KIAA1328: variants seen among roughly 807,000 people sequenced by gnomAD.
KIAA1328 encodes KIAA1328, also known as protein hinderin.
A neutral mutation model predicts 68.1 loss-of-function variants in KIAA1328; 52 were observed. The ratio of observed to expected loss-of-function variants is 0.76; its 90% CI spans 0.61 to 0.96. The LOEUF (loss-of-function observed/expected upper bound fraction) is 0.96, where lower values mean the gene tolerates loss of function less well. Among genes scored for constraint, KIAA1328 ranks in the 40% least tolerant of loss-of-function variants. KIAA1328 has a pLI of 0.00. For missense variants in KIAA1328, 641 were observed against 677.6 expected (o/e 0.95, Z 0.60); for synonymous variants, 232 against 239.4 (o/e 0.97, Z 0.28).
chr18:37,121,944 T>C (rs1423093288), intron 7 of KIAA1328, among the ~76,000 whole-genome samples: 2 of 152,078 alleles, frequency 1.3e-5, no homozygotes, highest in Non-Finnish European at 2.9e-5. Flanking sequence ...GAGAGATTAT[T>C]ACAGAAAACT....
At chr18:36,935,924 A>G (rs2050482607) in intron 5 of KIAA1328, among the ~76,000 whole-genome samples, 2 of 152,188 alleles carry the variant, frequency 1.3e-5, no homozygotes, top group African/African-American at 2.4e-5. Context: ...AATTAGTCCT[A>G]TCACGACAAC....
chr18:36,967,186 G>C (rs1234327144), intron 6 of KIAA1328, among the ~76,000 whole-genome samples: 1 of 152,148 alleles, frequency 6.6e-6, no homozygotes, highest in Non-Finnish European at 1.5e-5. Flanking sequence ...CTTTAGCTGA[G>C]AGTAAAAGAT....
chr18:36,952,725 C>T (rs970974346), intron 5 of KIAA1328, among the ~76,000 whole-genome samples: 3 of 152,090 alleles, frequency 2.0e-5, no homozygotes, highest in African/African-American at 2.4e-5. Flanking sequence ...GAAAGCTTGG[C>T]GGGTCTTTTT....
At chr18:37,098,099 T>C (rs1401276532) in intron 7 of KIAA1328, among the ~76,000 whole-genome samples, 1 of 151,636 alleles carries the variant, frequency 6.6e-6, no homozygotes, top group Non-Finnish European at 1.5e-5. Context: ...GGCCAGAACT[T>C]CCAATACTAT....
intron 9 of KIAA1328, among the ~76,000 whole-genome samples, chr18:37,195,199 C>T (rs2059980629): frequency 6.6e-6 from 1 of 152,120 alleles, no homozygotes; most frequent in African/African-American, 2.4e-5. Flanking sequence ...AGAACTTATT[C>T]CTCTATCTAA....
intron 5 of KIAA1328, among the ~76,000 whole-genome samples, chr18:36,886,567 A>T (rs1156659253): frequency 6.6e-6 from 1 of 151,804 alleles, no homozygotes; most frequent in Non-Finnish European, 1.5e-5. Context: ...TAAAGTAAAA[A>T]CATATTTTAG....
intron 5 of KIAA1328, among the ~76,000 whole-genome samples, chr18:36,950,352 A>G (rs1056337232): frequency 3.9e-5 from 6 of 152,166 alleles, no homozygotes; most frequent in African/African-American, 1.2e-4. Flanking sequence ...CAAACTCAAA[A>G]CCAACGTGAA....
At chr18:37,070,283 C>T (rs755853453) in intron 7 of KIAA1328, among the ~76,000 whole-genome samples, 15 of 152,032 alleles carry the variant, frequency 9.9e-5, no homozygotes, top group African/African-American at 1.2e-4. Flanking sequence ...GAAAAGAATA[C>T]GTATTCTGCT....
At chr18:37,019,204 G>A (rs2054255608) in intron 6 of KIAA1328, among the ~76,000 whole-genome samples, 1 of 151,630 alleles carries the variant, frequency 6.6e-6, no homozygotes, top group Non-Finnish European at 1.5e-5. Context: ...ATGCTGAGTA[G>A]GGTCTTTTGG....
intron 5 of KIAA1328, among the ~76,000 whole-genome samples, chr18:36,938,115 C>T (rs2151173674): frequency 6.6e-6 from 1 of 152,132 alleles, no homozygotes; most frequent in East Asian, 1.9e-4. Context: ...GGGTATATAC[C>T]CAGAAGTGGG....
At chr18:37,153,377 A>G (rs1358734430) in intron 7 of KIAA1328, among the ~76,000 whole-genome samples, 1 of 152,162 alleles carries the variant, frequency 6.6e-6, no homozygotes, top group Non-Finnish European at 1.5e-5. Flanking sequence ...CACTTCAGTT[A>G]TATTACAGAA....
intron 6 of KIAA1328, among the ~76,000 whole-genome samples, chr18:36,990,207 A>G (rs1385494444): frequency 2.6e-5 from 4 of 152,108 alleles, no homozygotes; most frequent in Non-Finnish European, 5.9e-5. Context: ...TTATACATTT[A>G]ATTTTTACAA....
intron 6 of KIAA1328, among the ~76,000 whole-genome samples, chr18:37,006,187 A>T (rs1220398266): frequency 1.3e-5 from 2 of 152,230 alleles, no homozygotes; most frequent in Admixed American, 1.3e-4. Context: ...GTAGTTATTT[A>T]AAAAAACCTG....
At chr18:36,916,222 C>T (rs2049694981) in intron 5 of KIAA1328, among the ~76,000 whole-genome samples, 1 of 147,310 alleles carries the variant, frequency 6.8e-6, no homozygotes, top group East Asian at 2.0e-4. Context: ...TATATATGTA[C>T]CTGCTAATAT....
intron 6 of KIAA1328, among the ~76,000 whole-genome samples, chr18:36,999,168 C>T (rs1372814765): frequency 6.6e-6 from 1 of 152,078 alleles, no homozygotes; most frequent in Admixed American, 6.6e-5. Flanking sequence ...TAGACTAAAT[C>T]AGGCAGAAGG....
chr18:36,976,515 TTC>T (rs1267266414), intron 6 of KIAA1328, among the ~76,000 whole-genome samples: 2 of 152,176 alleles, frequency 1.3e-5, no homozygotes, highest in African/African-American at 4.8e-5. Flanking sequence ...GATCCATGTC[TTC>T]TTTTTTAGTG....
intron 6 of KIAA1328, among the ~76,000 whole-genome samples, chr18:37,006,533 T>A (rs1171797094): frequency 6.6e-6 from 1 of 152,090 alleles, no homozygotes; most frequent in Non-Finnish European, 1.5e-5. Context: ...GTGACTTTTT[T>A]TTATTATTAT....
chr18:37,011,167 A>G (rs2053966776), intron 6 of KIAA1328, among the ~76,000 whole-genome samples: 1 of 152,176 alleles, frequency 6.6e-6, no homozygotes, highest in Non-Finnish European at 1.5e-5. Context: ...TTAGTAAAAG[A>G]TATAGATTCT....
intron 6 of KIAA1328, among the ~76,000 whole-genome samples, chr18:37,036,107 A>G (rs1422428904): frequency 6.6e-6 from 1 of 152,206 alleles, no homozygotes; most frequent in Non-Finnish European, 1.5e-5. Context: ...TAATGGCCAA[A>G]AAAAGGGTCA....
Sources: allele counts gnomAD v4.1 joint callset (sites outside exome capture counted in the v4.1 genomes callset), GRCh38; gene constraint gnomAD v4.1.1; transcripts MANE v1.5; gene names NCBI Gene and HGNC (gene_info 2026-07-23, HGNC 2026-07-21).